RAPGEF4: variants seen among roughly 807,000 people sequenced by gnomAD.
RAPGEF4 encodes Rap guanine nucleotide exchange factor 4.
RAPGEF4 carries 66 observed loss-of-function variants against 147.9 expected under a neutral mutation model. The observed-to-expected ratio is 0.45, with a 90% CI of 0.37 to 0.55. RAPGEF4 has a LOEUF of 0.55. Ranked by LOEUF, RAPGEF4 falls within the 20% of genes least tolerant of loss-of-function variation. RAPGEF4 has a pLI of 0.00. For synonymous variants in RAPGEF4, 419 were observed against 442.7 expected (o/e 0.95, Z 0.67); for missense variants, 1,071 against 1,257.3 (o/e 0.85, Z 2.24).
At chr2:172,794,347 CAAAAAAAAAA>C (rs59850502) in intron 1 of RAPGEF4, among the ~76,000 whole-genome samples, 1 of 101,942 alleles carries the variant, frequency 9.8e-6, no homozygotes, top group African/African-American at 3.8e-5. Flanking sequence ...AACTCCATCT[CAAAAAAAAAA>C]AAAAAAAAGA....
chr2:172,922,940 G>C (rs995731458), intron 6 of RAPGEF4, among the ~76,000 whole-genome samples: 3 of 152,176 alleles, frequency 2.0e-5, no homozygotes, highest in African/African-American at 7.2e-5. Context: ...CAACATGGAA[G>C]GGTTAACGAT....
chr2:172,953,919 G>A (rs1420340686), intron 6 of RAPGEF4, among the ~76,000 whole-genome samples: 2 of 152,162 alleles, frequency 1.3e-5, no homozygotes, highest in Non-Finnish European at 2.9e-5. Context: ...TGGTGGGCTA[G>A]AGTGGCTACA....
In RAPGEF4 at chr2:172,968,382, G is replaced by A. The variant is rs372109429; in HGVS notation, c.1004+938G>A. Among the ~76,000 whole-genome samples, 29 of 152,308 alleles carry A rather than the reference G, an allele frequency of 1.9e-4. No homozygotes were observed. The East Asian group carries it at 1.9e-3, about 10-fold the overall frequency. On this transcript the variant is annotated intron_variant, in intron 10 of 30. Transcript: ENST00000397081. ...GTTACATGTCCTGGATGTCTGCTGG[G>A]TGCTTTCCAAGAGTGAAGTGTCCCT...
At chr2:172,868,539 C>T (rs761312717) in intron 4 of RAPGEF4, among the ~76,000 whole-genome samples, 1 of 152,180 alleles carries the variant, frequency 6.6e-6, no homozygotes, top group Non-Finnish European at 1.5e-5. Context: ...GCCATGTGTA[C>T]AGCTCTCTCC....
intron 4 of RAPGEF4, among the ~76,000 whole-genome samples, chr2:172,852,799 T>C (rs1693003348): frequency 1.3e-5 from 2 of 152,074 alleles, no homozygotes; most frequent in Admixed American, 6.6e-5. Context: ...TATTTTTAAT[T>C]TGATGAGAGT....
intron 4 of RAPGEF4, among the ~76,000 whole-genome samples, chr2:172,857,501 A>C (rs1693561783): frequency 6.6e-6 from 1 of 152,250 alleles, no homozygotes; most frequent in South Asian, 2.1e-4. Context: ...TTCAAGGATC[A>C]TGAGCTCTTG....
intron 8 of RAPGEF4, among the ~76,000 whole-genome samples, chr2:172,961,735 G>T (rs962299142): frequency 6.6e-6 from 1 of 152,188 alleles, no homozygotes; most frequent in South Asian, 2.1e-4. Context: ...TTAAACCAAG[G>T]TTGGTTGATT....
At chr2:172,805,807 C>T (rs935425688) in intron 3 of RAPGEF4, among the ~76,000 whole-genome samples, 3 of 152,142 alleles carry the variant, frequency 2.0e-5, no homozygotes, top group Admixed American at 1.3e-4. Flanking sequence ...GTCTTGGTGC[C>T]TGTGTAACTT....
intron 10 of RAPGEF4, among the ~76,000 whole-genome samples, chr2:172,970,808 A>G (rs574731196): frequency 3.3e-5 from 5 of 152,212 alleles, no homozygotes; most frequent in Non-Finnish European, 7.4e-5. Flanking sequence ...TTGGTATTGA[A>G]AAAAAACACA....
At chr2:172,779,189 T>G (rs1353604988) in intron 1 of RAPGEF4, among the ~76,000 whole-genome samples, 1 of 152,204 alleles carries the variant, frequency 6.6e-6, no homozygotes, top group Non-Finnish European at 1.5e-5. Context: ...TTTATGGAGC[T>G]TACGTTCTAG....
intron 4 of RAPGEF4, among the ~76,000 whole-genome samples, chr2:172,831,266 C>CTTTTGTTTTTTTTTTTTTTTTTTTTTTT (rs1690282028): frequency 1.9e-5 from 1 of 53,876 alleles, no homozygotes; most frequent in Non-Finnish European, 3.6e-5. Context: ...AGATAGAAAA[C>CTTTTGTTTTTTTTTTTTTTTTTTTTTTT]TTTTTTTTTT....
At chr2:173,002,621 C>CT (rs35905755) in intron 17 of RAPGEF4, among the ~76,000 whole-genome samples, 10,126 of 138,872 alleles carry the variant, frequency 0.073, 452 homozygotes, top group East Asian at 0.11. Flanking sequence ...TTTATTCTTT[C>CT]TTTTTTTTTT....
In RAPGEF4 at chr2:172,755,379, A is replaced by T. The variant is rs1695672748; in HGVS notation, c.65+19331A>T. On this transcript the variant is annotated intron_variant, in intron 1 of 30. Coordinates refer to ENST00000397081, the MANE Select transcript of RAPGEF4 (RefSeq NM_007023.4). ...CAAATTGAGCTAATAACAATAATTT[A>T]AAAATTATCTTTTAAAAACGGTTTA... 2.6e-5 allele frequency among the ~76,000 whole-genome samples: 4 copies of T among 152,180 alleles called. No individual in the cohort carries two copies. In the South Asian group the frequency reaches 8.3e-4, roughly 32 times the overall value.
chr2:172,979,941 C>T (rs553353271), intron 10 of RAPGEF4, among the ~76,000 whole-genome samples: 181 of 152,270 alleles, frequency 1.2e-3, no homozygotes, highest in African/African-American at 4.3e-3. Context: ...TCCTTAAACT[C>T]GGGGGGCAGA....
chr2:172,967,970 C>T (rs1690034018), intron 10 of RAPGEF4, among the ~76,000 whole-genome samples: 1 of 152,246 alleles, frequency 6.6e-6, no homozygotes, highest in African/African-American at 2.4e-5. Flanking sequence ...CATTGAGCCA[C>T]TGAGGCAGTC....
chr2:172,775,269 A>G (rs533698733), intron 1 of RAPGEF4, among the ~76,000 whole-genome samples: 1 of 152,332 alleles, frequency 6.6e-6, no homozygotes, highest in South Asian at 2.1e-4. Flanking sequence ...AGGTAGTCAC[A>G]ATTCCTGGCA....
intron 3 of RAPGEF4, among the ~76,000 whole-genome samples, chr2:172,800,767 T>G (rs1012818885): frequency 2.6e-5 from 4 of 152,162 alleles, no homozygotes; most frequent in Admixed American, 2.6e-4. Flanking sequence ...ACGCACATCA[T>G]GGAGGGTAAT....
Position 173,026,600 on chromosome 2 carries a change from C to T in RAPGEF4, c.2282C>T (p.Thr761Ile). The T allele has an allele frequency of 6.2e-7, 1 of 1,613,854 alleles. No homozygotes were observed. Among genetic ancestry groups the T allele is most frequent in the Non-Finnish European group, 8.5e-7 (1 of 1,179,756 alleles). Residue 761 changes from threonine to isoleucine, a missense_variant, in exon 24 of 31, where the codon ACT becomes ATT. Thr to Ile is a moderately conservative substitution (Grantham distance 89). Transcript: ENST00000397081. ...CCCTTACCAGAACAGGAAGGCCCAA[C>T]TGTTGGAACAGTGGGAACTTTTGAA... is the stretch of plus-strand genomic sequence containing the variant. ...LTPLPEQEGP[T>I]VGTVGTFELM...
intron 10 of RAPGEF4, among the ~76,000 whole-genome samples, chr2:172,978,056 C>T (rs371430208): frequency 4.6e-5 from 7 of 152,266 alleles, no homozygotes; most frequent in East Asian, 3.9e-4. Flanking sequence ...CCTTTAGTCC[C>T]GAACAGCTGT....
Sources: gnomAD v4.1 joint callset for allele counts (sites outside exome capture counted in the v4.1 genomes callset) on GRCh38, gnomAD v4.1.1 for gene constraint, MANE v1.5 for transcripts, NCBI Gene and HGNC (gene_info 2026-07-23, HGNC 2026-07-21) for gene names.